CADPS2: variants seen among roughly 807,000 people sequenced by gnomAD.
CADPS2 encodes calcium-dependent secretion activator 2.
In CADPS2, 93 loss-of-function variants were observed where a neutral mutation model predicts 172.5. That is an observed-to-expected ratio of 0.54 (90% CI 0.46 to 0.64). The LOEUF is 0.64. Ranked by LOEUF, CADPS2 falls within the 30% of genes least tolerant of loss-of-function variation. CADPS2 has a pLI of 0.00. For missense variants in CADPS2, 1,420 were observed against 1,565.9 expected (o/e 0.91, Z 1.57); for synonymous variants, 546 against 555.2 (o/e 0.98, Z 0.23).
chr7:122,626,867 G>C (rs1368338733), intron 4 of CADPS2, among the ~76,000 whole-genome samples: 4 of 152,216 alleles, frequency 2.6e-5, no homozygotes, highest in Non-Finnish European at 5.9e-5. Context: ...TTTGGTCACA[G>C]GTCTTTCTGG....
intron 8 of CADPS2, among the ~76,000 whole-genome samples, chr7:122,546,194 A>G (rs2131761631): frequency 6.6e-6 from 1 of 152,274 alleles, no homozygotes; most frequent in Non-Finnish European, 1.5e-5. Context: ...CACATCTATC[A>G]CGCTAAAGCA....
At chr7:122,499,812 T>C (rs1447726157) in intron 9 of CADPS2, among the ~76,000 whole-genome samples, 8 of 151,944 alleles carry the variant, frequency 5.3e-5, no homozygotes, top group Admixed American at 6.5e-5. Context: ...TCATCAACTA[T>C]TGAAATAATA....
chr7:122,740,069 C>G (rs190401753), intron 1 of CADPS2, among the ~76,000 whole-genome samples: 2 of 152,166 alleles, frequency 1.3e-5, no homozygotes, highest in Admixed American at 1.3e-4. Context: ...AAATCCAGAA[C>G]ACAGAAAACA....
intron 1 of CADPS2, among the ~76,000 whole-genome samples, chr7:122,756,342 C>G (rs1472010588): frequency 6.6e-6 from 1 of 152,038 alleles, no homozygotes; most frequent in Non-Finnish European, 1.5e-5. Flanking sequence ...TCTAAATATA[C>G]AATAGTCATT....
chr7:122,485,251 A>C (rs760139153), intron 11 of CADPS2, among the ~76,000 whole-genome samples: 49 of 152,236 alleles, frequency 3.2e-4, no homozygotes, highest in Admixed American at 4.6e-4. Flanking sequence ...GATCATGCTT[A>C]GTGAGCAAGG....
chr7:122,766,249 C>T (rs1192368202), intron 1 of CADPS2, among the ~76,000 whole-genome samples: 2 of 152,084 alleles, frequency 1.3e-5, no homozygotes, highest in Non-Finnish European at 2.9e-5. Context: ...CTCCCACTCC[C>T]TACCACACAA....
intron 1 of CADPS2, among the ~76,000 whole-genome samples, chr7:122,812,691 C>G (rs943761939): frequency 2.0e-5 from 3 of 151,978 alleles, no homozygotes; most frequent in East Asian, 3.9e-4. Flanking sequence ...ATGATAGGAC[C>G]AATGTCTTAT....
At chr7:122,508,005 A>G (rs1393617039) in intron 9 of CADPS2, among the ~76,000 whole-genome samples, 1 of 152,198 alleles carries the variant, frequency 6.6e-6, no homozygotes, top group African/African-American at 2.4e-5. Context: ...ATTCATTTAT[A>G]TAACAAATAT....
chr7:122,384,323 G>C (rs1352033884), intron 24 of CADPS2, among the ~76,000 whole-genome samples: 1 of 152,066 alleles, frequency 6.6e-6, no homozygotes, highest in African/African-American at 2.4e-5. Context: ...ACATTTACTA[G>C]AGATTTTGGA....
chr7:122,511,020 C>T (rs6980172), intron 9 of CADPS2, among the ~76,000 whole-genome samples: 8,196 of 152,166 alleles, frequency 0.054, 286 homozygotes, highest in African/African-American at 0.057. Context: ...AAAGTAAATA[C>T]ATAATGCTTA....
Position 122,360,317 on chromosome 7 carries a change from C to A in CADPS2, c.3504+471G>T, listed in dbSNP as rs536289996. Among the ~76,000 whole-genome samples the A allele has an allele frequency of 1.1e-3, 160 of 152,198 alleles. 5 individuals are homozygous for A. In the South Asian group the frequency reaches 0.031, roughly 30 times the overall value. On this transcript the variant is annotated intron_variant, in intron 27 of 29. Coordinates refer to ENST00000449022, the MANE Select transcript of CADPS2 (RefSeq NM_017954.11). ...TGGAACAAATTTATGAGTTATTTCC[C>A]AAGAATTCTATGAAACAACAAATGT...
chr7:122,748,138 C>T (rs946308547), intron 1 of CADPS2, among the ~76,000 whole-genome samples: 4 of 152,112 alleles, frequency 2.6e-5, no homozygotes, highest in Non-Finnish European at 4.4e-5. Context: ...AAGAATATAT[C>T]TTGTCATAAC....
chr7:122,765,890 C>T (rs531342366), intron 1 of CADPS2, among the ~76,000 whole-genome samples: 2 of 152,070 alleles, frequency 1.3e-5, no homozygotes, highest in East Asian at 1.9e-4. Context: ...GATTTCTGGG[C>T]TCAATTCCTG....
At chr7:122,405,206 T>C (rs987843444) in intron 20 of CADPS2, among the ~76,000 whole-genome samples, 1 of 152,230 alleles carries the variant, frequency 6.6e-6, no homozygotes, top group Non-Finnish European at 1.5e-5. Context: ...ATATATATAC[T>C]TATTTTTGGC....
At chr7:122,828,526 GTAT>G (rs1805601871) in intron 1 of CADPS2, among the ~76,000 whole-genome samples, 1 of 151,976 alleles carries the variant, frequency 6.6e-6, no homozygotes, top group Non-Finnish European at 1.5e-5. Context: ...ATTGTCTTGA[GTAT>G]TATATGGCAC....
chr7:122,722,122 A>C, intron 2 of CADPS2, among the ~76,000 whole-genome samples: 1 of 152,156 alleles, frequency 6.6e-6, no homozygotes, highest in Non-Finnish European at 1.5e-5. Flanking sequence ...TTCCCTTTGA[A>C]AACTGGCACA....
At chr7:122,592,949 GCACGTTGTA>G (rs1240338532) in intron 6 of CADPS2, among the ~76,000 whole-genome samples, 2 of 151,302 alleles carry the variant, frequency 1.3e-5, no homozygotes, top group Non-Finnish European at 2.9e-5. Flanking sequence ...TAACAAACCT[GCACGTTGTA>G]CACGTGTACC....
chr7:122,625,900 T>C (rs2076043367), intron 4 of CADPS2, among the ~76,000 whole-genome samples: 1 of 152,164 alleles, frequency 6.6e-6, no homozygotes, highest in Non-Finnish European at 1.5e-5. Context: ...TATATGAAAA[T>C]ACAGATATAA....
chr7:122,831,304 A>G (rs1285012879), intron 1 of CADPS2, among the ~76,000 whole-genome samples: 1 of 152,244 alleles, frequency 6.6e-6, no homozygotes, highest in East Asian at 1.9e-4. Context: ...ATGACTGTTC[A>G]TTACTGGTGC....
Sources: gnomAD v4.1 joint callset for allele counts (sites outside exome capture counted in the v4.1 genomes callset) on GRCh38, gnomAD v4.1.1 for gene constraint, MANE v1.5 for transcripts, NCBI Gene and HGNC (gene_info 2026-07-23, HGNC 2026-07-21) for gene names.